SPACA7: variants seen among roughly 807,000 people sequenced by gnomAD.
The protein encoded by SPACA7 is sperm acrosome-associated protein 7.
SPACA7 carries 19 observed loss-of-function variants against 26.3 expected under a neutral mutation model. That is an observed-to-expected ratio of 0.72 (90% CI 0.50 to 1.06). The LOEUF (loss-of-function observed/expected upper bound fraction) is 1.06, where lower values mean the gene tolerates loss of function less well. Among genes scored for constraint, SPACA7 ranks in the 50% least tolerant of loss-of-function variants. The pLI is 0.00. For missense variants in SPACA7, 211 were observed against 229.9 expected (o/e 0.92, Z 0.53); for synonymous variants, 84 against 84.5 (o/e 0.99, Z 0.04).
intron 4 of SPACA7, among the ~76,000 whole-genome samples, chr13:112,400,759 C>T (rs1885588224): frequency 6.6e-6 from 1 of 152,188 alleles, no homozygotes. Flanking sequence ...TTTGCCATTT[C>T]AAACACAGCT....
intron 4 of SPACA7, 41 bp downstream of exon 4, chr13:112,399,214 G>T (rs747991234): frequency 1.9e-6 from 2 of 1,069,344 alleles, no homozygotes; most frequent in Non-Finnish European, 2.9e-6. Flanking sequence ...AAGTCCAGCT[G>T]TAATGGGAGA....
intron 1 of SPACA7, among the ~76,000 whole-genome samples, chr13:112,385,575 A>G (rs1322814056): frequency 6.6e-6 from 1 of 152,182 alleles, no homozygotes; most frequent in African/African-American, 2.4e-5. Context: ...CTAATGCTTC[A>G]AAGTAGGTAA....
At chr13:112,403,513 C>T (rs761695912) in intron 5 of SPACA7, among the ~76,000 whole-genome samples, 7 of 151,894 alleles carry the variant, frequency 4.6e-5, no homozygotes, top group East Asian at 3.9e-4. Flanking sequence ...TAGATTTTGG[C>T]GCACCCATCA....
At chr13:112,378,284 G>A (rs1029845276) in intron 1 of SPACA7, among the ~76,000 whole-genome samples, 2 of 152,200 alleles carry the variant, frequency 1.3e-5, no homozygotes, top group African/African-American at 4.8e-5. Context: ...TTTATCAAAA[G>A]ATAAAAAAAA....
chr13:112,395,816 TCTC>T (rs920374916), intron 2 of SPACA7, among the ~76,000 whole-genome samples: 1 of 152,106 alleles, frequency 6.6e-6, no homozygotes, highest in Admixed American at 6.5e-5. Flanking sequence ...TATTTCAGCT[TCTC>T]CTCTCTCAAA....
intron 5 of SPACA7, among the ~76,000 whole-genome samples, chr13:112,431,227 G>A (rs903255936): frequency 3.3e-5 from 5 of 152,212 alleles, no homozygotes; most frequent in Admixed American, 1.3e-4. Flanking sequence ...ATGCCTGCAG[G>A]CTTTAATGAA....
At chr13:112,380,405 CAAAAA>C (rs5806946) in intron 1 of SPACA7, among the ~76,000 whole-genome samples, 10 of 74,054 alleles carry the variant, frequency 1.4e-4, no homozygotes, top group Admixed American at 4.9e-4. Context: ...AACTCAGTCT[CAAAAA>C]AAAAAAAAAA....
At chr13:112,382,589 A>C in intron 1 of SPACA7, 5 of 1,489,040 alleles carry the variant, frequency 3.4e-6, no homozygotes, top group Non-Finnish European at 4.5e-6. Flanking sequence ...TGTGGTAAAA[A>C]CATTATTACC....
At chr13:112,425,492 C>T (rs146382367) in intron 5 of SPACA7, among the ~76,000 whole-genome samples, 7 of 152,212 alleles carry the variant, frequency 4.6e-5, no homozygotes, top group Admixed American at 6.5e-5. Flanking sequence ...TTTCAGGCAG[C>T]GCGAGGCCAC....
intron 5 of SPACA7, among the ~76,000 whole-genome samples, chr13:112,407,285 C>A (rs1168136061): frequency 2.6e-5 from 4 of 152,096 alleles, no homozygotes; most frequent in Admixed American, 6.6e-5. Context: ...AAAATTGACA[C>A]CCTAACATCA....
intron 5 of SPACA7, among the ~76,000 whole-genome samples, chr13:112,422,802 C>T (rs551363446): frequency 1.3e-5 from 2 of 152,294 alleles, no homozygotes; most frequent in South Asian, 2.1e-4. Context: ...TTTACATAAA[C>T]ATGCTCTTTA....
At chr13:112,393,703 G>T (rs1326590410) in intron 2 of SPACA7, among the ~76,000 whole-genome samples, 1 of 152,284 alleles carries the variant, frequency 6.6e-6, no homozygotes, top group Non-Finnish European at 1.5e-5. Context: ...ATGAGCCGAA[G>T]ATGTGCTTTT....
In SPACA7 at chr13:112,426,564, C is replaced by T. The variant is rs572593876; in HGVS notation, c.446-5880C>T. On this transcript the variant is annotated intron_variant, in intron 5 of 6. Coordinates refer to ENST00000283550, the MANE Select transcript of SPACA7 (RefSeq NM_145248.5). ...GCAACTCCACTTATTTAGATCTTTG[C>T]TTTCTTTCACTTTTCGTAGTTTTTA... Among the ~76,000 whole-genome samples, 251 of 152,216 alleles carry T rather than the reference C, an allele frequency of 1.6e-3. 1 individual carries two copies. The highest frequency in any genetic ancestry group is 5.9e-3 in the African/African-American group (245 of 41,552).
chr13:112,397,705 T>C (rs933529666), intron 2 of SPACA7, among the ~76,000 whole-genome samples: 18 of 152,166 alleles, frequency 1.2e-4, no homozygotes, highest in South Asian at 2.1e-4. Context: ...AGGGCAGCTT[T>C]GGGAGAGCCT....
In SPACA7 at chr13:112,392,700, G is replaced by A. The variant is rs1465934339; in HGVS notation, c.95-321G>A. ...GGTGAGCCCAGTCATCCTTGCGACC[G>A]GGATGTCGTCTTGACCTCTCAAGGG... is the stretch of plus-strand genomic sequence containing the variant. On this transcript the variant is annotated intron_variant, in intron 1 of 6. Transcript: ENST00000283550. 2.6e-5 allele frequency among the ~76,000 whole-genome samples: 4 copies of A among 152,140 alleles called. No homozygotes were observed. The East Asian group carries it at 5.8e-4, about 22-fold the overall frequency.
intron 5 of SPACA7, among the ~76,000 whole-genome samples, chr13:112,408,434 T>C (rs888782407): frequency 6.6e-6 from 1 of 152,130 alleles, no homozygotes; most frequent in African/African-American, 2.4e-5. Flanking sequence ...AAATTGTCCC[T>C]GTTTGCAGAT....
chr13:112,426,994 G>C (rs549520591), intron 5 of SPACA7, among the ~76,000 whole-genome samples: 1 of 152,206 alleles, frequency 6.6e-6, no homozygotes, highest in Non-Finnish European at 1.5e-5. Flanking sequence ...TGCTAGGAAG[G>C]ATGATGTTAG....
At chr13:112,411,809 G>A (rs1886370248) in intron 5 of SPACA7, among the ~76,000 whole-genome samples, 1 of 152,144 alleles carries the variant, frequency 6.6e-6, no homozygotes, top group Non-Finnish European at 1.5e-5. Context: ...TATTCCATGT[G>A]TATGTGTGCC....
intron 5 of SPACA7, among the ~76,000 whole-genome samples, chr13:112,414,388 CTTTTTTTTTTTTTTTTTTTTTTTTTTT>C (rs869183760): frequency 6.4e-5 from 2 of 31,376 alleles, no homozygotes; most frequent in East Asian, 1.2e-3. Context: ...TTTTCTGTGT[CTTTTTTTTTTTTTTTTTTTTTTTTTTT>C]TTTTTTTTTT....
Sources: gnomAD v4.1 joint callset for allele counts (sites outside exome capture counted in the v4.1 genomes callset) on GRCh38, gnomAD v4.1.1 for gene constraint, MANE v1.5 for transcripts, NCBI Gene and HGNC (gene_info 2026-07-23, HGNC 2026-07-21) for gene names.